Variants in MITF observed in about 807,000 individuals in gnomAD.
MITF encodes the protein melanocyte inducing transcription factor.
In MITF, 17 loss-of-function variants were observed where a neutral mutation model predicts 60.5. The ratio of observed to expected loss-of-function variants is 0.28; its 90% CI spans 0.19 to 0.42. The LOEUF (loss-of-function observed/expected upper bound fraction) is 0.42. Ranked by LOEUF, MITF falls within the 10% of genes least tolerant of loss-of-function variation. The probability of loss-of-function intolerance (pLI) is 1.00; values close to 1 mark genes in which losing one functional copy is unlikely to be tolerated. For synonymous variants in MITF, 260 were observed against 248.5 expected (o/e 1.05, Z -0.43); for missense variants, 622 against 683.5 (o/e 0.91, Z 1.00).
At chr3:69,791,931 A>G (rs188048050) in intron 1 of MITF, among the ~76,000 whole-genome samples, 1 of 152,348 alleles carries the variant, frequency 6.6e-6, no homozygotes, top group East Asian at 1.9e-4. Context: ...TTAGTTTCCA[A>G]GACTGGTGGA....
At chr3:69,927,289 T>G (rs1342560523) in intron 2 of MITF, among the ~76,000 whole-genome samples, 1 of 152,126 alleles carries the variant, frequency 6.6e-6, no homozygotes, top group African/African-American at 2.4e-5. Flanking sequence ...AAACACCACA[T>G]GTTCTCATTC....
At chr3:69,837,263 C>T (rs1226042933) in intron 1 of MITF, among the ~76,000 whole-genome samples, 1 of 152,194 alleles carries the variant, frequency 6.6e-6, no homozygotes, top group East Asian at 1.9e-4. Flanking sequence ...CAGGAAGTAT[C>T]TTAAAAGGTG....
intron 1 of MITF, among the ~76,000 whole-genome samples, chr3:69,843,702 A>G (rs762799473): frequency 3.9e-5 from 6 of 151,988 alleles, no homozygotes; most frequent in Non-Finnish European, 7.4e-5. Flanking sequence ...CTTCCTCTTT[A>G]TGGCCACAGA....
At chr3:69,823,241 G>C (rs1262123436) in intron 1 of MITF, among the ~76,000 whole-genome samples, 1 of 152,102 alleles carries the variant, frequency 6.6e-6, no homozygotes, top group Non-Finnish European at 1.5e-5. Context: ...CTTGTATGCA[G>C]CATATAGTTG....
At chr3:69,792,277 T>G (rs1438521024) in intron 1 of MITF, among the ~76,000 whole-genome samples, 4 of 152,162 alleles carry the variant, frequency 2.6e-5, no homozygotes, top group Non-Finnish European at 1.5e-5. Flanking sequence ...TCAATTTTAT[T>G]TCACTGCTTT....
intron 1 of MITF, among the ~76,000 whole-genome samples, chr3:69,815,812 T>A (rs980794273): frequency 2.0e-5 from 3 of 152,196 alleles, no homozygotes; most frequent in African/African-American, 7.2e-5. Flanking sequence ...TCTCTGGATT[T>A]TATCATTTTG....
At chr3:69,950,513 T>TAG (rs371534613) in intron 6 of MITF, among the ~76,000 whole-genome samples, 5 of 146,592 alleles carry the variant, frequency 3.4e-5, no homozygotes, top group African/African-American at 7.5e-5. Context: ...GATATGCATA[T>TAG]ATATGCATAT....
chr3:69,878,562 C>A (rs2064407367), intron 1 of MITF, among the ~76,000 whole-genome samples: 1 of 152,150 alleles, frequency 6.6e-6, no homozygotes, highest in Non-Finnish European at 1.5e-5. Context: ...AGGTCGAGTT[C>A]AGTGTTAACA....
At chr3:69,904,072 T>A (rs2065048469) in intron 2 of MITF, among the ~76,000 whole-genome samples, 1 of 152,144 alleles carries the variant, frequency 6.6e-6, no homozygotes, top group African/African-American at 2.4e-5. Context: ...TAAACACGTC[T>A]AGAAACAAGG....
intron 1 of MITF, among the ~76,000 whole-genome samples, chr3:69,819,655 A>G (rs1293228174): frequency 6.8e-6 from 1 of 147,560 alleles, no homozygotes; most frequent in Non-Finnish European, 1.5e-5. Flanking sequence ...ACAAACAAAA[A>G]CTACAAAAAA....
At chr3:69,908,093 T>C (rs1471364836) in intron 2 of MITF, among the ~76,000 whole-genome samples, 1 of 150,372 alleles carries the variant, frequency 6.7e-6, no homozygotes, top group Non-Finnish European at 1.5e-5. Flanking sequence ...GGCTTTTGCC[T>C]TTTGATCTTG....
chr3:69,829,697 CCA>C, intron 1 of MITF, among the ~76,000 whole-genome samples: 1 of 151,176 alleles, frequency 6.6e-6, no homozygotes, highest in Admixed American at 6.6e-5. Context: ...CACACACACA[CCA>C]ACTGTCAGGT....
chr3:69,936,782 G>T, intron 2 of MITF: 1 of 1,602,444 alleles, frequency 6.2e-7, no homozygotes, highest in Non-Finnish European at 8.5e-7. Context: ...CTCATATTCA[G>T]TCTTTGAAAT....
intron 1 of MITF, among the ~76,000 whole-genome samples, chr3:69,807,252 AG>A (rs1196316196): frequency 6.6e-6 from 1 of 152,182 alleles, no homozygotes; most frequent in African/African-American, 2.4e-5. Flanking sequence ...GTTAAGAATG[AG>A]ATAGTCTGCC....
intron 1 of MITF, among the ~76,000 whole-genome samples, chr3:69,845,601 T>A (rs2063718463): frequency 1.3e-5 from 2 of 152,150 alleles, no homozygotes; most frequent in African/African-American, 4.8e-5. Context: ...GATTTCCATA[T>A]CTCCTTGAGA....
chr3:69,886,044 GGT>G (rs2064608957), intron 2 of MITF, among the ~76,000 whole-genome samples: 9 of 152,142 alleles, frequency 5.9e-5, no homozygotes, highest in Non-Finnish European at 1.3e-4. Context: ...CACCCAAGTA[GGT>G]GGTGCAGTCA....
At chr3:69,922,644 A>G (rs1052899349) in intron 2 of MITF, among the ~76,000 whole-genome samples, 2 of 152,186 alleles carry the variant, frequency 1.3e-5, no homozygotes, top group African/African-American at 4.8e-5. Context: ...AGTACGTAAC[A>G]ACTGGTACTT....
At chr3:69,750,714 A>C (rs1320852358) in intron 1 of MITF, among the ~76,000 whole-genome samples, 1 of 152,024 alleles carries the variant, frequency 6.6e-6, no homozygotes. Context: ...TGCATTTCTG[A>C]CATGTTTCTA....
intron 1 of MITF, among the ~76,000 whole-genome samples, chr3:69,746,542 T>A (rs1300325428): frequency 2.0e-5 from 3 of 152,134 alleles, no homozygotes; most frequent in Admixed American, 1.3e-4. Context: ...GTGTGTGAGG[T>A]ATAAAATGTA....
Sources: allele counts gnomAD v4.1 joint callset (sites outside exome capture counted in the v4.1 genomes callset), GRCh38; gene constraint gnomAD v4.1.1; transcripts MANE v1.5; gene names NCBI Gene and HGNC (gene_info 2026-07-23, HGNC 2026-07-21).